Variants in SGCZ observed in about 807,000 individuals in gnomAD.
SGCZ encodes zeta-sarcoglycan.
In SGCZ, 40 loss-of-function variants were observed where a neutral mutation model predicts 41.3. That is an observed-to-expected ratio of 0.97 (90% CI 0.75 to 1.26). SGCZ has a LOEUF of 1.26. Among genes scored for constraint, SGCZ ranks in the 50% most tolerant of loss-of-function variants. The pLI is 0.00. For synonymous variants in SGCZ, 206 were observed against 137.5 expected (o/e 1.50, Z -3.49); for missense variants, 552 against 369.8 (o/e 1.49, Z -4.04).
chr8:14,975,790 T>C (rs1267811473), intron 1 of SGCZ, among the ~76,000 whole-genome samples: 4 of 69,260 alleles, frequency 5.8e-5, no homozygotes, highest in Non-Finnish European at 1.2e-4. Flanking sequence ...TTTCCACTTT[T>C]ATATATATAT....
At chr8:14,529,997 G>A (rs924944519) in intron 2 of SGCZ, among the ~76,000 whole-genome samples, 2 of 152,034 alleles carry the variant, frequency 1.3e-5, no homozygotes, top group African/African-American at 4.8e-5. Flanking sequence ...AATACACAAT[G>A]ACTGACTTTA....
chr8:14,124,664 A>C (rs1026793385), intron 5 of SGCZ, among the ~76,000 whole-genome samples: 2 of 152,212 alleles, frequency 1.3e-5, no homozygotes, highest in African/African-American at 4.8e-5. Context: ...CTACATCAAG[A>C]TAAAGAGTTT....
At chr8:15,189,332 A>G (rs551004627) in intron 1 of SGCZ, among the ~76,000 whole-genome samples, 3 of 152,314 alleles carry the variant, frequency 2.0e-5, no homozygotes, top group Admixed American at 2.0e-4. Context: ...TTATTGTACA[A>G]AAGCAAACAT....
At chr8:14,665,658 C>T (rs1168205037) in intron 1 of SGCZ, among the ~76,000 whole-genome samples, 2 of 152,112 alleles carry the variant, frequency 1.3e-5, no homozygotes, top group Non-Finnish European at 2.9e-5. Flanking sequence ...TGTGGCTTTG[C>T]TCAAAGCATC....
chr8:14,948,484 G>C (rs1041445826), intron 1 of SGCZ, among the ~76,000 whole-genome samples: 2 of 150,764 alleles, frequency 1.3e-5, no homozygotes, highest in East Asian at 1.9e-4. Flanking sequence ...GAGAGAGAGA[G>C]AGAGAGAGGT....
At chr8:14,237,011 A>G (rs548629316) in intron 4 of SGCZ, among the ~76,000 whole-genome samples, 28 of 152,134 alleles carry the variant, frequency 1.8e-4, no homozygotes, top group Non-Finnish European at 3.1e-4. Context: ...GTTAATATTT[A>G]TTATACTCAT....
chr8:14,514,984 T>A (rs1802579120), intron 2 of SGCZ, among the ~76,000 whole-genome samples: 1 of 151,970 alleles, frequency 6.6e-6, no homozygotes, highest in East Asian at 1.9e-4. Flanking sequence ...TAATTGCTTG[T>A]TTTCTAAGAC....
intron 1 of SGCZ, among the ~76,000 whole-genome samples, chr8:15,103,263 T>G (rs908353222): frequency 6.6e-6 from 1 of 152,072 alleles, no homozygotes; most frequent in Non-Finnish European, 1.5e-5. Flanking sequence ...TAGCAAGGCA[T>G]GATGGCGCAT....
chr8:14,643,142 C>T (rs2117434266), intron 1 of SGCZ, among the ~76,000 whole-genome samples: 1 of 151,514 alleles, frequency 6.6e-6, no homozygotes, highest in East Asian at 1.9e-4. Flanking sequence ...ACATGAATAG[C>T]AAAATAGATG....
intron 2 of SGCZ, among the ~76,000 whole-genome samples, chr8:14,454,867 C>T (rs940840496): frequency 7.2e-5 from 11 of 152,048 alleles, no homozygotes; most frequent in African/African-American, 1.4e-4. Context: ...ACATCATACA[C>T]GACAATAAAC....
chr8:14,364,563 T>C (rs1357066695), intron 2 of SGCZ, among the ~76,000 whole-genome samples: 1 of 152,168 alleles, frequency 6.6e-6, no homozygotes, highest in Admixed American at 6.5e-5. Context: ...CCTCTCTAGG[T>C]AAACTGCTAT....
intron 1 of SGCZ, among the ~76,000 whole-genome samples, chr8:15,224,721 TAAAAGAATG>T (rs1801711477): frequency 6.6e-6 from 1 of 151,988 alleles, no homozygotes; most frequent in Admixed American, 6.6e-5. Context: ...AGGTTCAAAA[TAAAAGAATG>T]AAAAGAATAC....
At chr8:14,907,530 C>T (rs1054097045) in intron 1 of SGCZ, among the ~76,000 whole-genome samples, 1 of 152,028 alleles carries the variant, frequency 6.6e-6, no homozygotes, top group Non-Finnish European at 1.5e-5. Flanking sequence ...ATTGGAGGAG[C>T]TAAATGCCTC....
intron 5 of SGCZ, among the ~76,000 whole-genome samples, chr8:14,125,212 T>C (rs1046949480): frequency 2.0e-5 from 3 of 152,118 alleles, no homozygotes. Context: ...CCAGGCGTGG[T>C]GGCTCACGCC....
At chr8:14,547,615 T>C (rs956029976) in intron 2 of SGCZ, among the ~76,000 whole-genome samples, 5 of 152,154 alleles carry the variant, frequency 3.3e-5, no homozygotes, top group Admixed American at 2.0e-4. Flanking sequence ...TACTCTAAGG[T>C]CTGTTTTAAA....
chr8:14,761,203 G>T (rs1799860092), intron 1 of SGCZ, among the ~76,000 whole-genome samples: 1 of 152,058 alleles, frequency 6.6e-6, no homozygotes, highest in African/African-American at 2.4e-5. Context: ...GATGGAAAAC[G>T]AGGATTGAAA....
chr8:14,882,334 A>G (rs762041128), intron 1 of SGCZ, among the ~76,000 whole-genome samples: 1 of 152,214 alleles, frequency 6.6e-6, no homozygotes, highest in Non-Finnish European at 1.5e-5. Context: ...GCATTTAAAA[A>G]AATAAAAAAT....
Position 14,164,748 on chromosome 8 carries a change from A to T in SGCZ, c.425-46T>A, listed in dbSNP as rs527428524. The T allele has an allele frequency of 6.3e-6, 10 of 1,598,518 alleles. No individual in the cohort carries two copies. In the African/African-American group the frequency reaches 1.2e-4, roughly 19 times the overall value. ...TAAAAATGAAACTGGTATGCAGGAA[A>T]CCATTAACATGTATTTTTTGGAAAT... On this transcript the variant is annotated intron_variant, in intron 4 of 7. Transcript: ENST00000382080.
intron 5 of SGCZ, among the ~76,000 whole-genome samples, chr8:14,108,477 A>T (rs1802276202): frequency 1.3e-5 from 2 of 152,182 alleles, no homozygotes; most frequent in African/African-American, 4.8e-5. Context: ...GGGAGGCAAC[A>T]GGCACTTCAT....
Sources: allele counts gnomAD v4.1 joint callset (sites outside exome capture counted in the v4.1 genomes callset), GRCh38; gene constraint gnomAD v4.1.1; transcripts MANE v1.5; gene names NCBI Gene and HGNC (gene_info 2026-07-23, HGNC 2026-07-21).